Variants in RAB11FIP4 observed in about 807,000 individuals in gnomAD.
The protein encoded by RAB11FIP4 is rab11 family-interacting protein 4.
RAB11FIP4 carries 23 observed loss-of-function variants against 74.3 expected under a neutral mutation model. The observed-to-expected ratio is 0.31, with a 90% CI of 0.22 to 0.44. The LOEUF (loss-of-function observed/expected upper bound fraction) is 0.44, where lower values mean the gene tolerates loss of function less well. RAB11FIP4 is among the 20% of genes least tolerant of loss of function. RAB11FIP4 has a pLI of 1.00. For missense variants in RAB11FIP4, 630 were observed against 863.9 expected, an observed-to-expected ratio of 0.73 and a Z score of 3.39; for synonymous variants, 360 against 359.9, an observed-to-expected ratio of 1.00 and a Z score of 0.00.
Position 31,512,780 on chromosome 17 carries a change from C to G in RAB11FIP4, c.337-4871C>G, listed in dbSNP as rs2142796229. ...TGTGCAAACCCTGGGAACACCAGGC[C>G]AAGCTCCAGGCCTGGACATGTGTAG... On this transcript the variant is annotated intron_variant, in intron 3 of 14. Coordinates refer to ENST00000621161, the MANE Select transcript of RAB11FIP4 (RefSeq NM_032932.6). This position sits in a 1 kb window ranked among gnomAD's most constrained non-coding sequence, Gnocchi z 4.1. 6.9e-6 allele frequency among the ~76,000 whole-genome samples: 1 copy of G among 143,978 alleles called. No homozygotes were observed. The highest frequency in any genetic ancestry group is 1.5e-5 in the Non-Finnish European group (1 of 66,794). 94.5% of individuals were successfully genotyped at this position (143,978 alleles called of 152,430 possible). A position where few individuals can be genotyped will look rare whatever the true frequency, so the allele number is the denominator to read the frequency against.
intron 3 of RAB11FIP4, among the ~76,000 whole-genome samples, chr17:31,510,281 G>C (rs1238769314): frequency 2.0e-5 from 3 of 152,316 alleles, no homozygotes; most frequent in Admixed American, 2.0e-4. Context: ...GGCTGGGAGT[G>C]GGGTGAGAGA....
intron 1 of RAB11FIP4, among the ~76,000 whole-genome samples, chr17:31,422,317 A>G (rs1031888227): frequency 2.0e-5 from 3 of 152,226 alleles, no homozygotes; most frequent in Non-Finnish European, 4.4e-5. Flanking sequence ...ATAAACATCA[A>G]TTAGGTTAAG....
chr17:31,421,083 TCAAA>T (rs569253183), intron 1 of RAB11FIP4, among the ~76,000 whole-genome samples: 7 of 152,120 alleles, frequency 4.6e-5, no homozygotes, highest in Non-Finnish European at 7.3e-5. Context: ...AAACTCCATC[TCAAA>T]CAAACAAACA....
At chr17:31,414,635 G>A (rs566136474) in intron 1 of RAB11FIP4, among the ~76,000 whole-genome samples, 41 of 152,338 alleles carry the variant, frequency 2.7e-4, no homozygotes, top group African/African-American at 9.1e-4. Flanking sequence ...GGCTGGGACA[G>A]CGCTTCCCAG....
chr17:31,391,819 C>T lies in RAB11FIP4; in HGVS notation c.-34C>T, dbSNP rs867473671. ...GCGGGCAGGCGGCGGGCGCGGCGGG[C>T]GAGGGGTCCGGGCTGAGCTGCGGGC... On this transcript the variant is annotated 5_prime_UTR_variant, in exon 1 of 15. Coordinates refer to ENST00000621161, the MANE Select transcript of RAB11FIP4 (RefSeq NM_032932.6). 6.1e-4 allele frequency: 604 copies of T among 987,566 alleles called. 5 individuals are homozygous for T. The African/African-American group carries it at 0.01, about 16-fold the overall frequency. The allele number at this position is 987,566 out of a possible 1,614,324, so 61.2% of individuals were successfully genotyped here. A position where few individuals can be genotyped will look rare whatever the true frequency, so the allele number is the denominator to read the frequency against.
chr17:31,488,036 C>T, intron 3 of RAB11FIP4: 2 of 1,014,380 alleles, frequency 2.0e-6, no homozygotes, highest in Non-Finnish European at 2.4e-6. Flanking sequence ...GATGTCACCG[C>T]AGCTTGATAC....
intron 3 of RAB11FIP4, chr17:31,465,804 G>A (rs1451020077): frequency 6.6e-6 from 1 of 151,856 alleles, no homozygotes; most frequent in Non-Finnish European, 1.5e-5. Context: ...CTGCACTCTA[G>A]CCTGGGTAAC....
intron 10 of RAB11FIP4, chr17:31,527,180 TCACAGAAGC>T (rs2072780785): frequency 6.6e-6 from 1 of 152,252 alleles, no homozygotes; most frequent in Admixed American, 6.5e-5. Context: ...GAGGGCCCAG[TCACAGAAGC>T]CACAAGAAGA....
intron 1 of RAB11FIP4, among the ~76,000 whole-genome samples, chr17:31,396,143 C>T (rs992211673): frequency 6.7e-6 from 1 of 149,138 alleles, no homozygotes; most frequent in East Asian, 2.0e-4. Context: ...GAGATTACAT[C>T]GCTGCACTCT....
chr17:31,425,992 G>A (rs1446187317), intron 1 of RAB11FIP4, among the ~76,000 whole-genome samples: 1 of 152,242 alleles, frequency 6.6e-6, no homozygotes, highest in Non-Finnish European at 1.5e-5. Context: ...GTGAAATGAC[G>A]GGCTGGGTCA....
At chr17:31,428,266 C>T (rs2071272754) in intron 1 of RAB11FIP4, among the ~76,000 whole-genome samples, 1 of 152,214 alleles carries the variant, frequency 6.6e-6, no homozygotes, top group South Asian at 2.1e-4. Context: ...GCTGCAGCTG[C>T]CACGCTGTGG....
intron 3 of RAB11FIP4, among the ~76,000 whole-genome samples, chr17:31,501,489 G>A (rs555765478): frequency 7.2e-5 from 11 of 152,182 alleles, no homozygotes; most frequent in Middle Eastern, 6.8e-3. Flanking sequence ...TATGTCCCAC[G>A]CAATTTATTT....
rs1043177491 is a variant in RAB11FIP4, at chr17:31,525,215, A to C, written c.1259A>C (p.Glu420Ala). ...GAGAGGGAGAAGGCTACCGAGGTGG[A>C]GCTGCTCAATGCCAGGTGGGCCCCT... ...KLEREKATEV[E>A]LLNARVQQLE... Residue 420 changes from glutamate (E) to alanine (A), a missense_variant, in exon 10 of 15, where the codon GAG becomes GCG. By Grantham distance (107) the Glu-to-Ala change is moderately radical (BLOSUM62 -1). Coordinates refer to ENST00000621161, the MANE Select transcript of RAB11FIP4 (RefSeq NM_032932.6). The C allele has an allele frequency of 6.5e-7, 1 of 1,547,568 alleles. No individual in the cohort carries two copies. Among genetic ancestry groups the C allele is most frequent in the African/African-American group, 1.4e-5 (1 of 73,070 alleles).
chr17:31,467,960 C>G (rs78674629), intron 3 of RAB11FIP4, among the ~76,000 whole-genome samples: 8 of 152,140 alleles, frequency 5.3e-5, no homozygotes, highest in Non-Finnish European at 1.2e-4. Context: ...GCCTGGTGTT[C>G]GAGATGACTG....
intron 1 of RAB11FIP4, among the ~76,000 whole-genome samples, chr17:31,415,997 G>A (rs1328758008): frequency 6.6e-6 from 1 of 152,086 alleles, no homozygotes; most frequent in East Asian, 1.9e-4. Flanking sequence ...TGAGCTGGTC[G>A]GAAGTGCATT....
intron 3 of RAB11FIP4, among the ~76,000 whole-genome samples, chr17:31,447,667 C>T (rs964265614): frequency 5.3e-5 from 8 of 151,926 alleles, no homozygotes; most frequent in East Asian, 1.9e-4. Context: ...GGATTACACA[C>T]GCGCACCCCC....
intron 3 of RAB11FIP4, among the ~76,000 whole-genome samples, chr17:31,468,056 T>C (rs2071702535): frequency 6.6e-6 from 1 of 152,072 alleles, no homozygotes; most frequent in African/African-American, 2.4e-5. Flanking sequence ...CGCTGGTCCA[T>C]TGTAGTTTGC....
chr17:31,507,015 C>T (rs1046676011), intron 3 of RAB11FIP4, among the ~76,000 whole-genome samples: 4 of 152,194 alleles, frequency 2.6e-5, no homozygotes, highest in Non-Finnish European at 4.4e-5. Context: ...CACAGTGGCT[C>T]ACAGCTGTAA....
chr17:31,468,664 A>T (rs2142726170), intron 3 of RAB11FIP4, among the ~76,000 whole-genome samples: 1 of 152,220 alleles, frequency 6.6e-6, no homozygotes, highest in Non-Finnish European at 1.5e-5. Context: ...CCCCATCTCT[A>T]CTAAAAGTAC....
Sources: gnomAD v4.1 joint callset for allele counts (sites outside exome capture counted in the v4.1 genomes callset) on GRCh38, gnomAD v4.1.1 for gene constraint, Gnocchi (gnomAD v3.1) non-coding constraint, MANE v1.5 for transcripts, NCBI Gene and HGNC (gene_info 2026-07-23, HGNC 2026-07-21) for gene names.